MYO16: variants seen among roughly 807,000 people sequenced by gnomAD.
MYO16 encodes the protein myosin XVI.
In MYO16, 94 loss-of-function variants were observed where a neutral mutation model predicts 205.3. The ratio of observed to expected loss-of-function variants is 0.46; its 90% confidence interval spans 0.39 to 0.54. The LOEUF is 0.54. Ranked by LOEUF, MYO16 falls within the 20% of genes least tolerant of loss-of-function variation. The probability of loss-of-function intolerance (pLI) is 0.00; values close to 1 mark genes in which losing one functional copy is unlikely to be tolerated. For synonymous variants in MYO16, 988 were observed against 954.0 expected, an observed-to-expected ratio of 1.04 and a Z score of -0.66; for missense variants, 2,315 against 2,387.5, an observed-to-expected ratio of 0.97 and a Z score of 0.63.
At chr13:108,839,839 G>A (rs1877141603) in intron 9 of MYO16, among the ~76,000 whole-genome samples, 1 of 152,094 alleles carries the variant, frequency 6.6e-6, no homozygotes, top group Admixed American at 6.5e-5. Context: ...GGGAACTCTT[G>A]TCTTCTGCAA....
At chr13:109,040,385 CAG>C (rs146955371) in intron 23 of MYO16, among the ~76,000 whole-genome samples, 15,364 of 113,046 alleles carry the variant, frequency 0.14, 1,070 homozygotes, top group African/African-American at 0.24. Context: ...CACACACACA[CAG>C]AGAGAGAGAG....
At chr13:108,593,002 C>T (rs560519647), upstream of MYO16, among the ~76,000 whole-genome samples, 15 of 152,172 alleles carry the variant, frequency 9.9e-5, no homozygotes, top group Admixed American at 3.3e-4. Context: ...GTTTGGTGAA[C>T]GCCTCCCTAG....
At chr13:108,721,780 G>A (rs1463450478) in intron 3 of MYO16, among the ~76,000 whole-genome samples, 6 of 152,220 alleles carry the variant, frequency 3.9e-5, no homozygotes, top group Non-Finnish European at 5.9e-5. Context: ...GGACAAGGCT[G>A]CAGGAGAGAT....
At chr13:109,053,645 C>T (rs1015811997) in intron 25 of MYO16, among the ~76,000 whole-genome samples, 5 of 152,044 alleles carry the variant, frequency 3.3e-5, no homozygotes, top group Non-Finnish European at 7.4e-5. Flanking sequence ...GGAGGTAACT[C>T]ACAGTAGTTC....
chr13:108,704,635 C>T (rs1173023317), intron 2 of MYO16, among the ~76,000 whole-genome samples: 3 of 152,052 alleles, frequency 2.0e-5, no homozygotes, highest in Non-Finnish European at 4.4e-5. Context: ...TATTAATCTC[C>T]CCCACCTGAA....
chr13:108,739,085 A>G (rs962907723), intron 4 of MYO16, among the ~76,000 whole-genome samples: 2 of 151,998 alleles, frequency 1.3e-5, no homozygotes, highest in Non-Finnish European at 2.9e-5. Context: ...TCTTGACTCT[A>G]TCCAATTTGC....
At position 108,732,247 on chromosome 13, in the gene MYO16, G is replaced by A. The variant is rs145133428; in HGVS notation, c.507+4664G>A. 9.9e-3 allele frequency among the ~76,000 whole-genome samples: 1,507 copies of A among 152,254 alleles called. 23 individuals carry two copies. Among genetic ancestry groups the A allele is most frequent in the African/African-American group, 0.031 (1,298 of 41,530 alleles). On this transcript the variant is annotated intron_variant, in intron 4 of 34. Transcript: ENST00000457511. ...TTCATTTATTAAATCTGTGGTAGCC[G>A]TCTGTGTGTACTCAAGGGAGTCAGC...
At chr13:108,658,426 T>TTGTGTGTG (rs145187326) in intron 1 of MYO16, among the ~76,000 whole-genome samples, 2,646 of 145,238 alleles carry the variant, frequency 0.018, 45 homozygotes, top group African/African-American at 0.046. Context: ...TGTTTCAACT[T>TTGTGTGTG]TGTGTGTGTG....
intron 16 of MYO16, among the ~76,000 whole-genome samples, chr13:108,930,095 AACAGTTTGAATAG>A (rs1882189197): frequency 6.6e-6 from 1 of 152,208 alleles, no homozygotes; most frequent in Admixed American, 6.5e-5. Flanking sequence ...ATAATGTGAA[AACAGTTTGAATAG>A]ACTGAAAGCA....
At chr13:109,130,194 A>G (rs1444112467) in intron 31 of MYO16, among the ~76,000 whole-genome samples, 1 of 152,206 alleles carries the variant, frequency 6.6e-6, no homozygotes, top group East Asian at 1.9e-4. Context: ...TAGGCATGCA[A>G]GATATTTATG....
chr13:108,670,678 T>C (rs946899234), intron 2 of MYO16, among the ~76,000 whole-genome samples: 2 of 152,226 alleles, frequency 1.3e-5, no homozygotes, highest in African/African-American at 4.8e-5. Flanking sequence ...GATTCAAGAA[T>C]TTCAGTAATG....
In MYO16 at chr13:108,785,676, C is replaced by G. The variant is rs1481468650; in HGVS notation, c.549C>G (p.Ile183Met). The G allele has an allele frequency of 6.2e-7, 1 of 1,613,042 alleles. No homozygotes were observed. Among genetic ancestry groups the G allele is most frequent in the South Asian group, 1.1e-5 (1 of 90,862 alleles). The change falls in exon 5 of 35, where the codon ATC becomes ATG. Residue 183 changes from isoleucine (I) to methionine (M), a missense_variant. Ile to Met is a conservative substitution (Grantham distance 10). Coordinates refer to ENST00000457511, the MANE Select transcript of MYO16 (RefSeq NM_001198950.3). ...TTCTCCAGGATGTGAATGGAAATAT[C>G]CCATTAGATTATGCTGTAGAAGGGA... ...NVLLQDVNGN[I>M]PLDYAVEGTE...
At chr13:108,696,243 A>G (rs78519763) in intron 2 of MYO16, among the ~76,000 whole-genome samples, 1 of 152,328 alleles carries the variant, frequency 6.6e-6, no homozygotes, top group East Asian at 1.9e-4. Flanking sequence ...GAATGTGTCT[A>G]TACAAATGAT....
At chr13:109,000,017 G>A (rs78984197) in intron 21 of MYO16, among the ~76,000 whole-genome samples, 2,172 of 152,190 alleles carry the variant, frequency 0.014, 24 homozygotes, top group Non-Finnish European at 0.025. Context: ...TTTCATAATG[G>A]AGGTGTATCT....
intron 3 of MYO16, among the ~76,000 whole-genome samples, chr13:108,715,148 C>T (rs1330216181): frequency 1.3e-5 from 2 of 152,204 alleles, no homozygotes; most frequent in African/African-American, 4.8e-5. Flanking sequence ...TTTCCCTCTG[C>T]GCTCTGCTCT....
At chr13:108,863,801 C>T (rs1203732197) in intron 11 of MYO16, among the ~76,000 whole-genome samples, 1 of 152,070 alleles carries the variant, frequency 6.6e-6, no homozygotes, top group African/African-American at 2.4e-5. Context: ...ACCAGTGAAG[C>T]CTAAGTTTTC....
intron 2 of MYO16, among the ~76,000 whole-genome samples, chr13:108,682,892 CTT>C (rs1050326713): frequency 1.3e-5 from 2 of 152,084 alleles, no homozygotes; most frequent in Non-Finnish European, 2.9e-5. Context: ...CTGGATGCAT[CTT>C]TATTGATCAG....
At chr13:109,103,380 A>G (rs531191722) in intron 28 of MYO16, among the ~76,000 whole-genome samples, 196 of 152,296 alleles carry the variant, frequency 1.3e-3, no homozygotes, top group African/African-American at 4.5e-3. Context: ...CAAATTGCTA[A>G]GAGTTATAAT....
chr13:109,019,078 C>G (rs1212446844), intron 22 of MYO16, among the ~76,000 whole-genome samples: 2 of 151,574 alleles, frequency 1.3e-5, no homozygotes, highest in Non-Finnish European at 2.9e-5. Flanking sequence ...TAGTGATCCT[C>G]TCACCTCAGC....
Sources: allele counts gnomAD v4.1 joint callset (sites outside exome capture counted in the v4.1 genomes callset), GRCh38; gene constraint gnomAD v4.1.1; transcripts MANE v1.5; gene names NCBI Gene and HGNC (gene_info 2026-07-23, HGNC 2026-07-21).